The following NRXN2 variants were observed in gnomAD, a reference collection of about 807,000 sequenced individuals.
NRXN2 encodes neurexin-2-beta.
Under a neutral mutation model 128.8 loss-of-function variants are expected in NRXN2, and 29 were observed. The observed-to-expected ratio is 0.23, with a 90% CI of 0.17 to 0.31. The LOEUF (loss-of-function observed/expected upper bound fraction) is 0.31. NRXN2 is among the 10% of genes least tolerant of loss of function. The pLI, the probability that NRXN2 is intolerant of heterozygous loss-of-function variation, is 1.00. For missense variants in NRXN2, 1,881 were observed against 2,452.6 expected (o/e 0.77, Z 4.92); for synonymous variants, 1,098 against 1,075.2 (o/e 1.02, Z -0.41).
Position 64,675,811 on chromosome 11 carries a change from GC to G in NRXN2, c.1197+1181del, listed in dbSNP as rs542814422. On this transcript the variant is annotated intron_variant, in intron 7 of 22. Transcript: ENST00000265459. ...GCTCAAAAACCCACATAGTCACGCAGCCCCCAGCTCACACCAGCTCACACGT... is the reference window on the plus strand; with the variant it reads ...GCTCAAAAACCCACATAGTCACGCAGCCCCAGCTCACACCAGCTCACACGT... 3.3e-3 allele frequency: 515 copies of G among 153,978 alleles called. 1 individual carries two copies. The highest frequency in any genetic ancestry group is 4.5e-3 in the Non-Finnish European group (311 of 68,622). The allele number at this position is 153,978 out of a possible 1,614,324, so 9.5% of individuals were successfully genotyped here. A position where few individuals can be genotyped will look rare whatever the true frequency, so the allele number is the denominator to read the frequency against.
In NRXN2 at chr11:64,622,113, C is replaced by T. The variant is rs549469324; in HGVS notation, c.4173+640G>A. 1.8e-4 allele frequency among the ~76,000 whole-genome samples: 28 copies of T among 152,330 alleles called. No homozygotes were observed. The highest frequency in any genetic ancestry group is 3.2e-4 in the Non-Finnish European group (22 of 68,024). On this transcript the variant is annotated intron_variant, in intron 21 of 22. Coordinates refer to ENST00000265459, the MANE Select transcript of NRXN2 (RefSeq NM_015080.4). The surrounding 1 kb of genome is among the most constrained non-coding windows in gnomAD (Gnocchi z 4.3). Reference sequence around the variant, plus strand: ...ACTGAGACCCCCTCAGACGCACAGACGGAGAGGACACTGAAGCTGCCTGAG... The same window carrying T: ...ACTGAGACCCCCTCAGACGCACAGATGGAGAGGACACTGAAGCTGCCTGAG...
rs371149295 is a variant in NRXN2, at chr11:64,667,532, G to A, written c.1516C>T (p.Leu506=). The A allele has an allele frequency of 1.9e-6, 3 of 1,614,020 alleles. No individual in the cohort carries two copies. In the African/African-American group the frequency reaches 4.0e-5, roughly 22 times the overall value. ...GTGCGCTTAGCGCTCCAGCGGGGCAGCGCCACAAAGGCCTCGGGACTCTCA... is the reference window on the plus strand; with the variant it reads ...GTGCGCTTAGCGCTCCAGCGGGGCAACGCCACAAAGGCCTCGGGACTCTCA... ...TFESPEAFVA[L]PRWSAKRTGS... The change falls in exon 9 of 23, where the codon CTG becomes TTG. Residue 506 remains leucine (L), a synonymous_variant. Transcript: ENST00000265459. The surrounding 1 kb of genome is among the most constrained non-coding windows in gnomAD (Gnocchi z 5.6).
In NRXN2 at chr11:64,704,598, TCA is replaced by T. The variant is rs1200286244; in HGVS notation, c.731-6808_731-6807del. Reference sequence around the variant, plus strand: ...AACTTAGGAATGCTGATTTCCAGGTTCACACACACACACACACACACACACAG... The same window carrying T: ...AACTTAGGAATGCTGATTTCCAGGTTCACACACACACACACACACACACAG... On this transcript the variant is annotated intron_variant, in intron 2 of 22. Coordinates refer to ENST00000265459, the MANE Select transcript of NRXN2 (RefSeq NM_015080.4). Among the ~76,000 whole-genome samples, 487 of 99,484 alleles carry T rather than the reference TCA, an allele frequency of 4.9e-3. 2 individuals carry two copies. The highest frequency in any genetic ancestry group is 8.0e-3 in the Admixed American group (72 of 9,006). The allele number at this position is 99,484 out of a possible 152,430, so 65.3% of individuals were successfully genotyped here. A position where few individuals can be genotyped will look rare whatever the true frequency, so the allele number is the denominator to read the frequency against.
intron 7 of NRXN2, chr11:64,675,097 T>A (rs2051125273): frequency 6.6e-6 from 1 of 152,248 alleles, no homozygotes; most frequent in Non-Finnish European, 1.5e-5. Flanking sequence ...ACAGGTTGGT[T>A]ATCTAGTGAA....
Position 64,632,476 on chromosome 11 carries a change from C to A in NRXN2, c.3586-1903G>T, listed in dbSNP as rs1361671518. Among the ~76,000 whole-genome samples, 4 of 152,218 alleles carry A rather than the reference C, an allele frequency of 2.6e-5. No homozygotes were observed. The highest frequency in any genetic ancestry group is 5.9e-5 in the Non-Finnish European group (4 of 68,038). On this transcript the variant is annotated intron_variant, in intron 18 of 22. Coordinates refer to ENST00000265459, the MANE Select transcript of NRXN2 (RefSeq NM_015080.4). The surrounding 1 kb of genome is among the most constrained non-coding windows in gnomAD (Gnocchi z 4.2). ...CACACACGGGAAGGAACAGTCGATC[C>A]TCCTCGGTACTATTGTTAGTAATAA...
At position 64,690,453 on chromosome 11, in the gene NRXN2, C is replaced by T. The variant is rs201218382; in HGVS notation, c.802G>A (p.Gly268Arg). The T allele has an allele frequency of 3.7e-6, 6 of 1,613,688 alleles. No homozygotes were observed. Among genetic ancestry groups the T allele is most frequent in the South Asian group, 2.2e-5 (2 of 90,932 alleles). Reference protein sequence around the residue: ...SEVGSLLFSEGGAGRGGAGDV... With the variant: ...SEVGSLLFSERGAGRGGAGDV... The stretch of plus-strand genomic sequence containing the variant: ...CCGGCTCCTCCTCTCCCGGCCCCCC[C>T]CTCGGAGAACAGTAAGGACCCTACT... The change falls in exon 5 of 23, where the codon GGG becomes AGG. Residue 268 changes from glycine to arginine, a missense_variant. By Grantham distance (125) the Gly-to-Arg change is moderately radical. Transcript: ENST00000265459.
chr11:64,687,652 A>T (rs2053243220), intron 5 of NRXN2, among the ~76,000 whole-genome samples: 1 of 152,128 alleles, frequency 6.6e-6, no homozygotes, highest in African/African-American at 2.4e-5. Flanking sequence ...AGTGGCAAGG[A>T]GGAGGGAAGG....
intron 12 of NRXN2, among the ~76,000 whole-genome samples, chr11:64,653,400 AC>A (rs2135461378): frequency 6.6e-6 from 1 of 150,928 alleles, no homozygotes; most frequent in African/African-American, 2.4e-5. Flanking sequence ...CCTCCTCCCC[AC>A]CCTCCTGCTG....
At position 64,607,417 on chromosome 11, in the gene NRXN2, C is replaced by A. The variant is rs1218750117; in HGVS notation, c.4918G>T (p.Val1640Leu). ...RESSSTTGMV[V>L]GIVAAAALCI... ...AGCGCCGCCGCCGCCACAATGCCCA[C>A]CACCATGCCCGTGGTGCTGCTGGAC... Residue 1640 changes from valine (V) to leucine (L), a missense_variant, in exon 23 of 23, where the codon GTG (valine) becomes TTG (leucine). Val to Leu is a conservative substitution (Grantham distance 32, BLOSUM62 1). This residue lies in a region of NRXN2 where 11 missense variants were observed against 31.3 expected (regional missense o/e 0.35). Transcript: ENST00000265459. 1 of 1,613,258 alleles carries A rather than the reference C, an allele frequency of 6.2e-7. No individual in the cohort carries two copies. The highest frequency in any genetic ancestry group is 1.7e-5 in the Admixed American group (1 of 60,018).
At chr11:64,642,968 C>G (rs1456266085) in intron 17 of NRXN2, 3 of 1,017,094 alleles carry the variant, frequency 2.9e-6, no homozygotes, top group Non-Finnish European at 3.5e-6. Context: ...ACAAAATCAA[C>G]TGGATCCCGC....
chr11:64,623,302 G>A lies in NRXN2; in HGVS notation c.3848-224C>T. 2 of 701,174 alleles carry A rather than the reference G, an allele frequency of 2.9e-6. No individual in the cohort carries two copies. Among genetic ancestry groups the A allele is most frequent in the South Asian group, 2.0e-5 (1 of 50,978 alleles). 43.4% of individuals were successfully genotyped at this position (701,174 alleles called of 1,614,324 possible). On this transcript the variant is annotated intron_variant, in intron 20 of 22. Coordinates refer to ENST00000265459, the MANE Select transcript of NRXN2 (RefSeq NM_015080.4). The surrounding 1 kb of genome is among the most constrained non-coding windows in gnomAD (Gnocchi z 4.9). ...GCCAGGTGGGGACCCCAGAAGGGGA[G>A]GGCACCCAGGGTACACATGGGCTGG...
intron 2 of NRXN2, among the ~76,000 whole-genome samples, chr11:64,699,070 T>G (rs61884414): frequency 0.075 from 11,457 of 152,276 alleles, 599 homozygotes; most frequent in East Asian, 0.11. Context: ...CCCCATTTGG[T>G]GATATCTGTT....
At chr11:64,615,510 T>C (rs990249287) in intron 22 of NRXN2, among the ~76,000 whole-genome samples, 2 of 152,236 alleles carry the variant, frequency 1.3e-5, no homozygotes, top group Non-Finnish European at 2.9e-5. Flanking sequence ...CATTCATGTG[T>C]GCATGAGGGC....
intron 1 of NRXN2, among the ~76,000 whole-genome samples, chr11:64,716,765 C>A (rs1293381134): frequency 6.6e-6 from 1 of 152,128 alleles, no homozygotes; most frequent in Non-Finnish European, 1.5e-5. Context: ...CAGGAGGAAG[C>A]CCCAGCACTC....
intron 17 of NRXN2, among the ~76,000 whole-genome samples, chr11:64,643,756 CCCTCCCCCGCGCCTGGACGCGCGCGCT>C (rs2135424982): frequency 6.6e-6 from 1 of 151,972 alleles, no homozygotes; most frequent in South Asian, 2.1e-4. Context: ...GCGCGCCCGC[CCCTCCCCCGCGCCTGGACGCGCGCGCT>C]CCTCCTGCAC....
At chr11:64,691,571 G>A (rs1212130303) in intron 4 of NRXN2, among the ~76,000 whole-genome samples, 1 of 152,158 alleles carries the variant, frequency 6.6e-6, no homozygotes, top group Non-Finnish European at 1.5e-5. Context: ...AATAATACTT[G>A]AGCTGTGGAA....
chr11:64,711,806 G>T (rs750104654), intron 2 of NRXN2, among the ~76,000 whole-genome samples: 3 of 152,172 alleles, frequency 2.0e-5, no homozygotes, highest in Admixed American at 2.0e-4. Flanking sequence ...CTCGTCAAGA[G>T]CCTGAGAAGC....
intron 2 of NRXN2, among the ~76,000 whole-genome samples, chr11:64,700,725 G>A (rs920997841): frequency 6.6e-6 from 1 of 152,116 alleles, no homozygotes; most frequent in Non-Finnish European, 1.5e-5. Flanking sequence ...TAACAGATAC[G>A]CCTTACTAAA....
chr11:64,718,686 G>A (rs2057361636), intron 1 of NRXN2, among the ~76,000 whole-genome samples: 1 of 152,196 alleles, frequency 6.6e-6, no homozygotes. Context: ...TATGGAAGAG[G>A]ACAGCAGACT....
Sources: gnomAD v4.1 joint callset for allele counts (sites outside exome capture counted in the v4.1 genomes callset) on GRCh38, gnomAD v4.1.1 for gene constraint, gnomAD v4.1.1 regional missense constraint, Gnocchi (gnomAD v3.1) non-coding constraint, MANE v1.5 for transcripts, NCBI Gene and HGNC (gene_info 2026-07-23, HGNC 2026-07-21) for gene names.